The following KIF1B variants were observed in gnomAD, a reference collection of about 807,000 sequenced individuals.
KIF1B encodes the protein kinesin family member 1B, also known as kinesin-like protein KIF1B.
Under a neutral mutation model 241.9 loss-of-function variants are expected in KIF1B, and 76 were observed. The ratio of observed to expected loss-of-function variants is 0.31; its 90% confidence interval spans 0.26 to 0.38. KIF1B has a LOEUF of 0.38. KIF1B is among the 10% of genes least tolerant of loss of function. The pLI, the probability that KIF1B is intolerant of heterozygous loss-of-function variation, is 1.00. For synonymous variants in KIF1B, 750 were observed against 796.7 expected (o/e 0.94, Z 0.99); for missense variants, 1,622 against 2,271.4 (o/e 0.71, Z 5.81).
intron 14 of KIF1B, 67 bp downstream of exon 14, chr1:10,279,205 C>A: frequency 9.3e-7 from 1 of 1,071,400 alleles, no homozygotes; most frequent in Non-Finnish European, 1.4e-6. Context: ...CTGGATCAGC[C>A]TTAAAATAAG....
In KIF1B at chr1:10,346,083, G is replaced by A. The variant is rs1652577576; in HGVS notation, c.3797+130G>A. On this transcript the variant is annotated intron_variant, in intron 35 of 48. Coordinates refer to ENST00000676179, the MANE Select transcript of KIF1B (RefSeq NM_001365951.3). ...AAATTCCAGGGATGGTTTTGTTTTTGTTTTTGTTTTAATAGAGATGCAGTC... is the reference window on the plus strand; with the variant it reads ...AAATTCCAGGGATGGTTTTGTTTTTATTTTTGTTTTAATAGAGATGCAGTC... 21 of 756,308 alleles carry A rather than the reference G, an allele frequency of 2.8e-5. No individual in the cohort carries two copies. In the East Asian group the frequency reaches 3.0e-4, roughly 11 times the overall value. 46.8% of individuals were successfully genotyped at this position (756,308 alleles called of 1,614,324 possible).
intron 14 of KIF1B, among the ~76,000 whole-genome samples, chr1:10,282,087 A>G (rs1649431764): frequency 6.6e-6 from 1 of 152,228 alleles, no homozygotes; most frequent in Non-Finnish European, 1.5e-5. Flanking sequence ...GGAATCTTTT[A>G]GTTTGTAAAT....
rs569928150 is a variant in KIF1B at position 10,372,658 on chromosome 1, ACAGAG to A, written c.4946+1398_4946+1402del. Among the ~76,000 whole-genome samples, 104 of 116,664 alleles carry A rather than the reference ACAGAG, an allele frequency of 8.9e-4. No individual in the cohort carries two copies. In the South Asian group the frequency reaches 0.02, roughly 23 times the overall value. 76.5% of individuals were successfully genotyped at this position (116,664 alleles called of 152,430 possible). A position where few individuals can be genotyped will look rare whatever the true frequency, so the allele number is the denominator to read the frequency against. Reference sequence around the variant, plus strand: ...GCGCCGCTGCGCGCCAGCTTGGGTGACAGAGCTGTCACCCAAGCTGGCGCGCAGCG... The same window carrying A: ...GCGCCGCTGCGCGCCAGCTTGGGTGACTGTCACCCAAGCTGGCGCGCAGCG... On this transcript the variant is annotated intron_variant, in intron 45 of 48. Transcript: ENST00000676179.
intron 2 of KIF1B, among the ~76,000 whole-genome samples, chr1:10,240,772 C>T (rs1647125916): frequency 7.3e-6 from 1 of 137,320 alleles, no homozygotes; most frequent in Non-Finnish European, 1.5e-5. Flanking sequence ...CTTTGTTGCC[C>T]AGGCTGGTCT....
intron 1 of KIF1B, among the ~76,000 whole-genome samples, chr1:10,223,342 A>G (rs1646868857): frequency 6.6e-6 from 1 of 152,184 alleles, no homozygotes. Context: ...TTTCAGACTT[A>G]CATAAGTAAT....
intron 45 of KIF1B, among the ~76,000 whole-genome samples, chr1:10,371,703 C>A (rs1638737852): frequency 1.3e-5 from 2 of 152,144 alleles, no homozygotes; most frequent in African/African-American, 4.8e-5. Flanking sequence ...GATGCCAAGG[C>A]AGGAGGATTG....
chr1:10,343,147 TC>T, intron 33 of KIF1B, 84 bp from the exon 34 acceptor site: 1 of 1,419,246 alleles, frequency 7.0e-7, no homozygotes, highest in South Asian at 1.2e-5. Context: ...AGAAGGAAAT[TC>T]AATTTGCAGT....
intron 6 of KIF1B, 143 bp downstream of exon 6, chr1:10,267,701 CAGTG>C: frequency 4.1e-6 from 3 of 738,748 alleles, no homozygotes; most frequent in Non-Finnish European, 7.1e-6. Flanking sequence ...TGTGCTGTAA[CAGTG>C]AGGGCTTCAG....
intron 16 of KIF1B, 110 bp downstream of exon 16, chr1:10,291,271 A>G (rs41307786): frequency 2.5e-4 from 208 of 828,180 alleles, no homozygotes; most frequent in Non-Finnish European, 3.7e-4. Flanking sequence ...TGCCCTTCTA[A>G]AACACAAAAC....
chr1:10,233,695 T>A (rs1025277934), intron 2 of KIF1B, among the ~76,000 whole-genome samples: 5 of 149,320 alleles, frequency 3.3e-5, no homozygotes, highest in African/African-American at 7.5e-5. Flanking sequence ...GTATATAAAT[T>A]GTATCTCAAT....
At position 10,339,846 on chromosome 1, in the gene KIF1B, A is replaced by G; in HGVS notation, c.3500A>G (p.Tyr1167Cys). 6.2e-7 allele frequency: 1 copy of G among 1,613,972 alleles called. No homozygotes were observed. ...GGCAGAGGAAGTCCCCTGGCCTTTT[A>G]TCATGTGCAGAATGTAAGTGACATG... ...NNGRGSPLAF[Y>C]HVQNIAVEIT... The change falls in exon 32 of 49, where the codon TAT becomes TGT. Residue 1167 changes from tyrosine (Y) to cysteine (C), a missense_variant. Physicochemically the swap from Tyr to Cys is radical, Grantham distance 194. Transcript: ENST00000676179.
chr1:10,220,405 A>AGATAGATAGATAGAT (rs1273710293), intron 1 of KIF1B, among the ~76,000 whole-genome samples: 2,313 of 137,320 alleles, frequency 0.017, 28 homozygotes, highest in Middle Eastern at 0.033. Context: ...GATGATAGAT[A>AGATAGATAGATAGAT]GATAGATAGA....
intron 22 of KIF1B, chr1:10,306,528 T>TA: frequency 1.4e-6 from 1 of 689,796 alleles, no homozygotes; most frequent in Non-Finnish European, 1.8e-6. Flanking sequence ...GGAGGATCCC[T>TA]AGAGCCCAGG....
chr1:10,304,366 A>G (rs772058053), intron 22 of KIF1B: 1 of 1,614,250 alleles, frequency 6.2e-7, no homozygotes, highest in South Asian at 1.1e-5. Flanking sequence ...CCAGCCGAAA[A>G]GTACGCGCTG....
intron 16 of KIF1B, 79 bp from the exon 17 acceptor site, chr1:10,291,968 C>T: frequency 8.0e-7 from 1 of 1,244,686 alleles, no homozygotes; most frequent in Non-Finnish European, 1.2e-6. Context: ...GCTTTGCAGG[C>T]TTTATTTTCC....
intron 2 of KIF1B, among the ~76,000 whole-genome samples, chr1:10,248,190 TTTG>T (rs59554084): frequency 0.52 from 78,946 of 150,878 alleles, 21,187 homozygotes; most frequent in African/African-American, 0.65. Context: ...TTGGGTCAAT[TTTG>T]TTGTTGTTGT....
chr1:10,273,149 C>T (rs1302217247), intron 10 of KIF1B, 118 bp downstream of exon 10: 5 of 701,906 alleles, frequency 7.1e-6, no homozygotes, highest in African/African-American at 1.8e-5. Context: ...ATCATTTGTT[C>T]TCTGGCTCTG....
At chr1:10,334,213 G>A (rs915819813) in intron 27 of KIF1B, among the ~76,000 whole-genome samples, 2 of 150,714 alleles carry the variant, frequency 1.3e-5, no homozygotes, top group African/African-American at 4.9e-5. Context: ...TGCCCGAGCA[G>A]CATTCATAGA....
intron 1 of KIF1B, among the ~76,000 whole-genome samples, chr1:10,223,546 G>GTTTTTT (rs113574017): frequency 3.2e-4 from 42 of 131,266 alleles, no homozygotes; most frequent in Non-Finnish European, 4.2e-4. Context: ...GTTTTGTTTT[G>GTTTTTT]TTTTTTTTTT....
Sources: allele counts gnomAD v4.1 joint callset (sites outside exome capture counted in the v4.1 genomes callset), GRCh38; gene constraint gnomAD v4.1.1; transcripts MANE v1.5; gene names NCBI Gene and HGNC (gene_info 2026-07-23, HGNC 2026-07-21).